PITPNM2: variants seen among roughly 807,000 people sequenced by gnomAD.
PITPNM2 encodes the protein phosphatidylinositol transfer protein membrane associated 2.
A neutral mutation model predicts 132.2 loss-of-function variants in PITPNM2; 35 were observed. The ratio of observed to expected loss-of-function variants is 0.26; its 90% confidence interval spans 0.20 to 0.35. The LOEUF is 0.35. Among genes scored for constraint, PITPNM2 ranks in the 10% least tolerant of loss-of-function variants. The probability of loss-of-function intolerance (pLI) is 1.00; values close to 1 mark genes in which losing one functional copy is unlikely to be tolerated. For synonymous variants in PITPNM2, 738 were observed against 799.2 expected, an observed-to-expected ratio of 0.92 and a Z score of 1.29; for missense variants, 1,332 against 1,912.0, an observed-to-expected ratio of 0.70 and a Z score of 5.66.
rs563091726 is a variant in PITPNM2 at position 122,992,356 on chromosome 12, C to T, written c.2404+143G>A. On this transcript the variant is annotated intron_variant, in intron 16 of 25. Coordinates refer to ENST00000320201, the MANE Select transcript of PITPNM2 (RefSeq NM_020845.3). This position sits in a 1 kb window ranked among gnomAD's most constrained non-coding sequence, Gnocchi z 6.5. ...CACCACCCCCACCCCCCACCCCCAA[C>T]AGCTGTCCACCTCCAAGAGGCATTC... The T allele has an allele frequency of 8.0e-4, 321 of 399,158 alleles. 2 individuals are homozygous for T. Among genetic ancestry groups the T allele is most frequent in the South Asian group, 6.8e-3 (307 of 45,014 alleles). The allele number at this position is 399,158 out of a possible 1,614,324, so 24.7% of individuals were successfully genotyped here.
At chr12:123,025,489 A>G (rs917399648) in intron 3 of PITPNM2, among the ~76,000 whole-genome samples, 50 of 149,600 alleles carry the variant, frequency 3.3e-4, no homozygotes, top group Non-Finnish European at 5.9e-5. Context: ...GCTGGGGTGC[A>G]ATGGTGTGAT....
intron 2 of PITPNM2, among the ~76,000 whole-genome samples, chr12:123,035,921 C>T (rs986380438): frequency 1.3e-5 from 2 of 152,136 alleles, no homozygotes; most frequent in African/African-American, 2.4e-5. Flanking sequence ...TGCAGTGGTG[C>T]AATCCCAGCT....
At chr12:122,995,744 C>T in intron 13 of PITPNM2, 84 bp from the exon 14 acceptor site, 1 of 1,456,166 alleles carries the variant, frequency 6.9e-7, no homozygotes, top group African/African-American at 1.4e-5. Context: ...CCTCCTCCCT[C>T]CTAACCCCAG....
chr12:123,046,939 T>G (rs1222912367), intron 2 of PITPNM2, among the ~76,000 whole-genome samples: 6 of 152,212 alleles, frequency 3.9e-5, no homozygotes, highest in Admixed American at 3.9e-4. Flanking sequence ...GCTTAAGAAT[T>G]GAACCATCAT....
At chr12:123,046,985 C>A (rs2040682966) in intron 2 of PITPNM2, among the ~76,000 whole-genome samples, 1 of 152,064 alleles carries the variant, frequency 6.6e-6, no homozygotes, top group Admixed American at 6.6e-5. Flanking sequence ...ACATATGCAC[C>A]CCTAGCATTG....
At position 122,985,737 on chromosome 12, in the gene PITPNM2, A is replaced by G. The variant is rs2037904324; in HGVS notation, c.*290T>C. On this transcript the variant is annotated 3_prime_UTR_variant, in exon 26 of 26. Transcript: ENST00000320201. Reference sequence around the variant, plus strand: ...CACCAGGACACTTGGAGATCCACACAGGGCAAAATGTCTGGGAGAACCTCC... The same window carrying G: ...CACCAGGACACTTGGAGATCCACACGGGGCAAAATGTCTGGGAGAACCTCC... The G allele has an allele frequency of 5.9e-6, 2 of 337,040 alleles. No individual in the cohort carries two copies. The highest frequency in any genetic ancestry group is 1.1e-5 in the Non-Finnish European group (2 of 187,158). The allele number at this position is 337,040 out of a possible 1,614,324, so 20.9% of individuals were successfully genotyped here.
At position 123,083,227 on chromosome 12, in the gene PITPNM2, C is replaced by G. The variant is rs1174087334; in HGVS notation, c.-96+27158G>C. On this transcript the variant is annotated intron_variant, in intron 2 of 25. Transcript: ENST00000320201. This position sits in a 1 kb window ranked among gnomAD's most constrained non-coding sequence, Gnocchi z 4.5. ...AAAAAGTTTTTAACTCTCTGTCTCT[C>G]CTACTAGAATGGAGTCTCTACGAGG... 1 of 152,196 alleles carries G rather than the reference C, an allele frequency of 6.6e-6. No homozygotes were observed. The highest frequency in any genetic ancestry group is 1.5e-5 in the Non-Finnish European group (1 of 68,046). 9.4% of individuals were successfully genotyped at this position (152,196 alleles called of 1,614,324 possible). A position where few individuals can be genotyped will look rare whatever the true frequency, so the allele number is the denominator to read the frequency against.
intron 1 of PITPNM2, among the ~76,000 whole-genome samples, chr12:123,143,067 G>A (rs910476664): frequency 6.6e-6 from 1 of 152,166 alleles, no homozygotes; most frequent in Non-Finnish European, 1.5e-5. Context: ...TCACGCCACT[G>A]ATGAAAGCTG....
In PITPNM2 at chr12:122,986,284, G is replaced by A. The variant is rs746643450; in HGVS notation, c.3793C>T (p.Arg1265Cys). 6.7e-5 allele frequency: 106 copies of A among 1,583,042 alleles called. No homozygotes were observed. The highest frequency in any genetic ancestry group is 3.3e-4 in the Middle Eastern group (2 of 6,020). Reference protein sequence around the residue: ...LKYSHRARPARNTATRMALRK... With the variant: ...LKYSHRARPACNTATRMALRK... ...AGCGCCATGCGGGTGGCCGTGTTGC[G>A]AGCGGGCCGCGCCCGGTGGCTGTAC... The change falls in exon 26 of 26, where the codon CGC becomes TGC. Residue 1265 changes from arginine to cysteine, a missense_variant. By Grantham distance (180) the Arg-to-Cys change is radical. Coordinates refer to ENST00000320201, the MANE Select transcript of PITPNM2 (RefSeq NM_020845.3).
intron 3 of PITPNM2, among the ~76,000 whole-genome samples, chr12:123,024,908 C>A (rs1428590123): frequency 6.6e-6 from 1 of 152,092 alleles, no homozygotes; most frequent in Non-Finnish European, 1.5e-5. Flanking sequence ...TGACTTATAT[C>A]TCAATAAAGC....
Position 123,034,552 on chromosome 12 carries a change from G to A in PITPNM2, c.39C>T (p.Thr13=), listed in dbSNP as rs149886764. The change falls in exon 3 of 26, where the codon ACC becomes ACT. Residue 13 remains threonine (T), a synonymous_variant. Coordinates refer to ENST00000320201, the MANE Select transcript of PITPNM2 (RefSeq NM_020845.3). ...GCTGGGCGATGCGGTACTCCTCCACGGTCATTGGCAGAGGAATCCGATATT... is the reference window on the plus strand; with the variant it reads ...GCTGGGCGATGCGGTACTCCTCCACAGTCATTGGCAGAGGAATCCGATATT... ...IKEYRIPLPM[T]VEEYRIAQLY... 1.6e-5 allele frequency: 26 copies of A among 1,613,832 alleles called. No homozygotes were observed. Among genetic ancestry groups the A allele is most frequent in the African/African-American group, 1.1e-4 (8 of 74,906 alleles).
upstream of PITPNM2, among the ~76,000 whole-genome samples, chr12:123,151,646 G>A (rs892874236): frequency 3.9e-5 from 6 of 152,254 alleles, no homozygotes; most frequent in East Asian, 7.8e-4. Flanking sequence ...ACCTCAGGGA[G>A]TAGCTGGAAG....
chr12:123,043,165 C>T lies in PITPNM2; in HGVS notation c.-95-8480G>A, dbSNP rs1056548245. Among the ~76,000 whole-genome samples the T allele has an allele frequency of 3.3e-5, 5 of 151,988 alleles. 1 individual carries two copies. Among genetic ancestry groups the T allele is most frequent in the Admixed American group, 1.3e-4 (2 of 15,256 alleles). On this transcript the variant is annotated intron_variant, in intron 2 of 25. Transcript: ENST00000320201. ...CAGAGGACCCTGCTGCAGGCCAACCCTCCCCTTACAAATGAGGAGACTAAG... is the reference window on the plus strand; with the variant it reads ...CAGAGGACCCTGCTGCAGGCCAACCTTCCCCTTACAAATGAGGAGACTAAG...
intron 1 of PITPNM2, among the ~76,000 whole-genome samples, chr12:123,148,985 C>T: frequency 6.6e-6 from 1 of 152,040 alleles, no homozygotes; most frequent in East Asian, 1.9e-4. Context: ...GAGAGGACTG[C>T]AGCTTAGGGT....
Position 122,986,319 on chromosome 12 carries a change from G to A in PITPNM2, c.3758C>T (p.Ala1253Val), listed in dbSNP as rs1018142475. The change falls in exon 26 of 26, where the codon GCG (alanine) becomes GTG (valine). Residue 1253 changes from alanine (A) to valine (V), a missense_variant. Coordinates refer to ENST00000320201, the MANE Select transcript of PITPNM2 (RefSeq NM_020845.3). ...FITDGYAAHL[A>V]QLKYSHRARP... ...CGCCCGGTGGCTGTACTTCAGCTGC[G>A]CCAGGTGGGCCGCGTAGCCATCCGT... The A allele has an allele frequency of 7.6e-6, 12 of 1,580,470 alleles. No homozygotes were observed. Among genetic ancestry groups the A allele is most frequent in the Admixed American group, 3.6e-5 (2 of 55,828 alleles).
At chr12:122,997,268 G>GA in intron 11 of PITPNM2, 57 bp downstream of exon 11, 8 of 1,601,812 alleles carry the variant, frequency 5.0e-6, no homozygotes, top group Non-Finnish European at 6.8e-6. Context: ...GAGGCCCAGG[G>GA]GTAGGAGGAG....
chr12:123,062,111 G>A (rs2041257767), intron 2 of PITPNM2, among the ~76,000 whole-genome samples: 1 of 152,114 alleles, frequency 6.6e-6, no homozygotes, highest in Admixed American at 6.5e-5. Flanking sequence ...GTGCACCTGG[G>A]ACCCTGATGC....
chr12:123,068,178 A>ATGGGCACGGC (rs1555294114), intron 2 of PITPNM2, among the ~76,000 whole-genome samples: 8 of 36,088 alleles, frequency 2.2e-4, no homozygotes, highest in South Asian at 7.3e-4. Flanking sequence ...CTAAAAATCC[A>ATGGGCACGGC]CGGGCACGGC....
intron 4 of PITPNM2, 133 bp from the exon 5 acceptor site, chr12:123,012,867 A>G (rs936297111): frequency 2.0e-5 from 24 of 1,210,256 alleles, no homozygotes; most frequent in Middle Eastern, 2.9e-4. Context: ...GGTAGCCGAG[A>G]CTTGCCTGCC....
Sources: allele counts gnomAD v4.1 joint callset (sites outside exome capture counted in the v4.1 genomes callset), GRCh38; gene constraint gnomAD v4.1.1; non-coding constraint Gnocchi (gnomAD v3.1); transcripts MANE v1.5; gene names NCBI Gene and HGNC (gene_info 2026-07-23, HGNC 2026-07-21).